SND1: variants seen among roughly 807,000 people sequenced by gnomAD.
SND1 encodes staphylococcal nuclease domain-containing protein 1.
SND1 carries 38 observed loss-of-function variants against 121.7 expected under a neutral mutation model. The ratio of observed to expected loss-of-function variants is 0.31; its 90% CI spans 0.24 to 0.41. The LOEUF (loss-of-function observed/expected upper bound fraction) is 0.41, where lower values mean the gene tolerates loss of function less well. Among genes scored for constraint, SND1 ranks in the 10% least tolerant of loss-of-function variants. The pLI, the probability that SND1 is intolerant of heterozygous loss-of-function variation, is 1.00. For synonymous variants in SND1, 401 were observed against 447.4 expected, an observed-to-expected ratio of 0.90 and a Z score of 1.31; for missense variants, 868 against 1,184.6, an observed-to-expected ratio of 0.73 and a Z score of 3.92.
chr7:127,911,568 C>A (rs1285907114), intron 14 of SND1, among the ~76,000 whole-genome samples: 4 of 152,114 alleles, frequency 2.6e-5, no homozygotes, highest in African/African-American at 9.7e-5. Flanking sequence ...GTTGCCCAGG[C>A]TGGAGTGCAG....
intron 11 of SND1, among the ~76,000 whole-genome samples, chr7:127,815,541 C>T (rs1229020831): frequency 2.6e-5 from 4 of 151,532 alleles, no homozygotes; most frequent in Non-Finnish European, 5.9e-5. Context: ...AGGAGGAGGA[C>T]GAGGAGGAGT....
chr7:128,025,350 A>AG (rs1213122300), intron 16 of SND1, among the ~76,000 whole-genome samples: 1 of 152,200 alleles, frequency 6.6e-6, no homozygotes, highest in Non-Finnish European at 1.5e-5. Flanking sequence ...CTCCTCCACT[A>AG]GCAGTGTGAC....
intron 16 of SND1, among the ~76,000 whole-genome samples, chr7:128,013,311 G>A (rs1384102532): frequency 1.3e-5 from 2 of 152,220 alleles, no homozygotes; most frequent in Non-Finnish European, 2.9e-5. Flanking sequence ...CAAGTGCTGA[G>A]TGCCTTGAGG....
chr7:128,038,283 T>G (rs1792788812), intron 16 of SND1, among the ~76,000 whole-genome samples: 1 of 152,216 alleles, frequency 6.6e-6, no homozygotes, highest in Non-Finnish European at 1.5e-5. Context: ...TGGATGCTAG[T>G]GGGCATTATG....
At chr7:127,698,423 A>G (rs1433262566) in intron 3 of SND1, among the ~76,000 whole-genome samples, 2 of 152,218 alleles carry the variant, frequency 1.3e-5, no homozygotes, top group Non-Finnish European at 2.9e-5. Context: ...ACAAGAACCC[A>G]TCAAGGCAAG....
chr7:127,814,016 C>T (rs1485489383), intron 11 of SND1, among the ~76,000 whole-genome samples: 2 of 152,166 alleles, frequency 1.3e-5, no homozygotes, highest in Non-Finnish European at 2.9e-5. Context: ...CCAGAATCCT[C>T]GAGATTCTCA....
intron 1 of SND1, among the ~76,000 whole-genome samples, chr7:127,681,151 T>G (rs557611397): frequency 2.4e-4 from 37 of 152,226 alleles, no homozygotes; most frequent in Non-Finnish European, 4.3e-4. Context: ...CACATCCTTG[T>G]CAACACTTGT....
chr7:127,949,755 G>T (rs1801419109), intron 15 of SND1, among the ~76,000 whole-genome samples: 1 of 152,140 alleles, frequency 6.6e-6, no homozygotes, highest in Admixed American at 6.5e-5. Context: ...CCCAGCACAG[G>T]GTGAAATGTG....
At chr7:127,975,343 A>ATGTGCGCACGCGCG (rs1245730035) in intron 15 of SND1, among the ~76,000 whole-genome samples, 1 of 150,548 alleles carries the variant, frequency 6.6e-6, no homozygotes, top group African/African-American at 2.4e-5. Context: ...GCGCGCGCGC[A>ATGTGCGCACGCGCG]TGTGCGCACG....
chr7:127,740,673 T>G (rs190506375), intron 10 of SND1, among the ~76,000 whole-genome samples: 91 of 152,312 alleles, frequency 6.0e-4, no homozygotes, highest in African/African-American at 2.1e-3. Flanking sequence ...AATCAGAATT[T>G]CCAAGGGGGT....
chr7:127,761,865 A>T (rs923002521), intron 10 of SND1, among the ~76,000 whole-genome samples: 1 of 152,218 alleles, frequency 6.6e-6, no homozygotes, highest in East Asian at 1.9e-4. Flanking sequence ...AGAGGCTTCT[A>T]CATTGGTACA....
chr7:127,751,882 G>GA (rs1797103666), intron 10 of SND1, among the ~76,000 whole-genome samples: 1 of 152,150 alleles, frequency 6.6e-6, no homozygotes, highest in African/African-American at 2.4e-5. Context: ...TCTTAGTGAG[G>GA]ATGAGGCACG....
intron 2 of SND1, among the ~76,000 whole-genome samples, chr7:127,693,180 C>T (rs1170422529): frequency 3.9e-5 from 6 of 151,980 alleles, no homozygotes; most frequent in Non-Finnish European, 7.4e-5. Flanking sequence ...TTCATTGGTT[C>T]GGTGCTGTTT....
intron 10 of SND1, among the ~76,000 whole-genome samples, chr7:127,769,719 T>C (rs1418620816): frequency 6.6e-6 from 1 of 152,196 alleles, no homozygotes; most frequent in African/African-American, 2.4e-5. Flanking sequence ...TATATATAAA[T>C]GCATATATAG....
chr7:127,885,136 A>G (rs1799871011), intron 12 of SND1, among the ~76,000 whole-genome samples: 2 of 152,138 alleles, frequency 1.3e-5, no homozygotes, highest in Non-Finnish European at 2.9e-5. Context: ...TGTGCAAAAT[A>G]CTGTGCTTGG....
At chr7:127,761,244 T>C (rs891737527) in intron 10 of SND1, among the ~76,000 whole-genome samples, 1 of 152,214 alleles carries the variant, frequency 6.6e-6, no homozygotes, top group Non-Finnish European at 1.5e-5. Context: ...AAGTTTCTTT[T>C]TGTGTGAGGG....
intron 15 of SND1, among the ~76,000 whole-genome samples, chr7:127,971,827 C>CAGTGA (rs1801996686): frequency 6.8e-6 from 1 of 146,950 alleles, no homozygotes; most frequent in Non-Finnish European, 1.5e-5. Flanking sequence ...GGCTGGAGTG[C>CAGTGA]AGTGGTGCGA....
intron 16 of SND1, among the ~76,000 whole-genome samples, chr7:128,004,304 A>T (rs1802908737): frequency 6.6e-6 from 1 of 152,118 alleles, no homozygotes; most frequent in East Asian, 1.9e-4. Flanking sequence ...AAAGGTGAAT[A>T]CTCAGGTGTG....
intron 12 of SND1, among the ~76,000 whole-genome samples, chr7:127,875,175 T>C (rs1799666487): frequency 6.6e-6 from 1 of 152,140 alleles, no homozygotes; most frequent in Non-Finnish European, 1.5e-5. Flanking sequence ...ACTCAGTCAG[T>C]TATTACTTTG....
Sources: gnomAD v4.1 joint callset for allele counts (sites outside exome capture counted in the v4.1 genomes callset) on GRCh38, gnomAD v4.1.1 for gene constraint, MANE v1.5 for transcripts, NCBI Gene and HGNC (gene_info 2026-07-23, HGNC 2026-07-21) for gene names.